ZNF704: variants seen among roughly 807,000 people sequenced by gnomAD.
ZNF704 encodes zinc finger protein 704.
Under a neutral mutation model 44.7 loss-of-function variants are expected in ZNF704, and 10 were observed. The ratio of observed to expected loss-of-function variants is 0.22; its 90% CI spans 0.14 to 0.38. The LOEUF (loss-of-function observed/expected upper bound fraction) is 0.38, where lower values mean the gene tolerates loss of function less well. Ranked by LOEUF, ZNF704 falls within the 10% of genes least tolerant of loss-of-function variation. The pLI is 1.00. For missense variants in ZNF704, 390 were observed against 545.5 expected (o/e 0.71, Z 2.84); for synonymous variants, 211 against 207.6 (o/e 1.02, Z -0.14).
chr8:80,794,884 A>G (rs1807771793), intron 2 of ZNF704, among the ~76,000 whole-genome samples: 1 of 152,218 alleles, frequency 6.6e-6, no homozygotes, highest in South Asian at 2.1e-4. Flanking sequence ...CTATGATGCC[A>G]TGAGTAGAAT....
intron 1 of ZNF704, among the ~76,000 whole-genome samples, chr8:80,824,936 G>A (rs576708813): frequency 2.0e-5 from 3 of 152,146 alleles, no homozygotes; most frequent in Non-Finnish European, 4.4e-5. Context: ...ACTAAACATG[G>A]AAAGGAACAA....
rs531975096 is a variant in ZNF704, at chr8:80,718,051, T to G, written c.222-24944A>C. Among the ~76,000 whole-genome samples, 4 of 152,332 alleles carry G rather than the reference T, an allele frequency of 2.6e-5. No homozygotes were observed. In the South Asian group the frequency reaches 8.3e-4, roughly 32 times the overall value. ...GCTTAAAACCTGCTAAGCTGTGCCT[T>G]CCTCGTTTTTGTCTCCACCTTCCAA... On this transcript the variant is annotated intron_variant, in intron 2 of 8. Transcript: ENST00000327835.
Position 80,743,191 on chromosome 8 carries a change from CAAAAAAA to C in ZNF704, c.222-50091_222-50085del, listed in dbSNP as rs59886049. Among the ~76,000 whole-genome samples, 63 of 35,826 alleles carry C rather than the reference CAAAAAAA, an allele frequency of 1.8e-3. No individual in the cohort carries two copies. The South Asian group carries it at 0.022, about 13-fold the overall frequency. 23.5% of individuals were successfully genotyped at this position (35,826 alleles called of 152,430 possible). A position where few individuals can be genotyped will look rare whatever the true frequency, so the allele number is the denominator to read the frequency against. On this transcript the variant is annotated intron_variant, in intron 2 of 8. Transcript: ENST00000327835. ...TTCACTCTATTACATCTTGCAACTG[CAAAAAAA>C]AAAAAAAAAAAAAAAAAATCTCCTA... is the stretch of plus-strand genomic sequence containing the variant.
At chr8:80,823,252 A>G (rs1198456409) in intron 1 of ZNF704, among the ~76,000 whole-genome samples, 1 of 152,206 alleles carries the variant, frequency 6.6e-6, no homozygotes, top group Admixed American at 6.5e-5. Context: ...GGCCTTAGCA[A>G]ACAGCACACC....
intron 2 of ZNF704, among the ~76,000 whole-genome samples, chr8:80,751,346 G>A (rs570734906): frequency 6.6e-6 from 1 of 152,248 alleles, no homozygotes; most frequent in African/African-American, 2.4e-5. Flanking sequence ...CTGGATCTTG[G>A]TTTCTAACCT....
chr8:80,862,263 T>C (rs916077200), intron 1 of ZNF704, among the ~76,000 whole-genome samples: 1 of 152,030 alleles, frequency 6.6e-6, no homozygotes, highest in South Asian at 2.1e-4. Flanking sequence ...GTTTAACACA[T>C]AAAGCTAGGC....
intron 4 of ZNF704, among the ~76,000 whole-genome samples, chr8:80,680,074 C>T (rs1444242110): frequency 6.6e-6 from 1 of 152,134 alleles, no homozygotes; most frequent in African/African-American, 2.4e-5. Flanking sequence ...AAAATGGTTT[C>T]ATACTTGGAA....
intron 1 of ZNF704, among the ~76,000 whole-genome samples, chr8:80,834,671 C>T (rs1411474930): frequency 2.0e-5 from 3 of 152,142 alleles, no homozygotes; most frequent in Non-Finnish European, 4.4e-5. Context: ...TCATAATGCT[C>T]TCCCTCCCCT....
At chr8:80,739,494 G>A (rs1806720425) in intron 2 of ZNF704, among the ~76,000 whole-genome samples, 1 of 152,140 alleles carries the variant, frequency 6.6e-6, no homozygotes, top group South Asian at 2.1e-4. Flanking sequence ...AACTCAGGGA[G>A]GCTTGGCAAA....
At chr8:80,671,762 G>A (rs1485389089) in intron 4 of ZNF704, among the ~76,000 whole-genome samples, 1 of 152,108 alleles carries the variant, frequency 6.6e-6, no homozygotes, top group East Asian at 1.9e-4. Flanking sequence ...GCAGTCAAAT[G>A]GGATCACATC....
intron 3 of ZNF704, among the ~76,000 whole-genome samples, chr8:80,689,826 G>A (rs1215352951): frequency 6.6e-6 from 1 of 152,128 alleles, no homozygotes; most frequent in African/African-American, 2.4e-5. Flanking sequence ...AAGTGATATA[G>A]AAATGATTTT....
At chr8:80,858,158 A>T (rs1013784953) in intron 1 of ZNF704, among the ~76,000 whole-genome samples, 13 of 152,156 alleles carry the variant, frequency 8.5e-5, no homozygotes, top group South Asian at 2.1e-4. Flanking sequence ...TTCTCTTTTT[A>T]AAAAAAATCA....
chr8:80,818,307 C>T (rs1274562419), intron 2 of ZNF704, among the ~76,000 whole-genome samples: 2 of 151,884 alleles, frequency 1.3e-5, no homozygotes, highest in Non-Finnish European at 2.9e-5. Context: ...GATTATCCTG[C>T]TTTTTGGCCA....
intron 7 of ZNF704, among the ~76,000 whole-genome samples, chr8:80,652,295 G>A (rs1231868457): frequency 1.3e-5 from 2 of 152,034 alleles, no homozygotes; most frequent in Non-Finnish European, 1.5e-5. Context: ...AAAGCTAGCA[G>A]AAGGCAAGAA....
intron 2 of ZNF704, among the ~76,000 whole-genome samples, chr8:80,741,557 T>C (rs1806756929): frequency 6.6e-6 from 1 of 152,218 alleles, no homozygotes; most frequent in East Asian, 1.9e-4. Flanking sequence ...GTGAACAGCA[T>C]ACTCACTGCT....
chr8:80,800,384 C>T (rs559597822), intron 2 of ZNF704, among the ~76,000 whole-genome samples: 1 of 152,040 alleles, frequency 6.6e-6, no homozygotes, highest in Non-Finnish European at 1.5e-5. Context: ...TTTCAAAGGT[C>T]GAAATCAAAG....
At chr8:80,798,490 G>C (rs1175358738) in intron 2 of ZNF704, among the ~76,000 whole-genome samples, 1 of 152,124 alleles carries the variant, frequency 6.6e-6, no homozygotes, top group African/African-American at 2.4e-5. Flanking sequence ...CTCAACCTCA[G>C]GTGATCTGCC....
intron 1 of ZNF704, among the ~76,000 whole-genome samples, chr8:80,832,809 A>C (rs1173726187): frequency 6.6e-6 from 1 of 152,134 alleles, no homozygotes. Flanking sequence ...GGAAACCATA[A>C]AATCACACCT....
At chr8:80,697,466 G>C (rs537469200) in intron 2 of ZNF704, among the ~76,000 whole-genome samples, 4 of 152,270 alleles carry the variant, frequency 2.6e-5, no homozygotes, top group South Asian at 2.1e-4. Flanking sequence ...CTGTGAGTAC[G>C]GACCTTCCTG....
Sources: allele counts gnomAD v4.1 joint callset (sites outside exome capture counted in the v4.1 genomes callset), GRCh38; gene constraint gnomAD v4.1.1; transcripts MANE v1.5; gene names NCBI Gene and HGNC (gene_info 2026-07-23, HGNC 2026-07-21).